Variants in VPS8 observed in about 807,000 individuals in gnomAD.
VPS8 encodes vacuolar protein sorting-associated protein 8 homolog.
VPS8 carries 129 observed loss-of-function variants against 216.4 expected under a neutral mutation model. The observed-to-expected ratio is 0.60, with a 90% CI of 0.52 to 0.69. The LOEUF (loss-of-function observed/expected upper bound fraction) is 0.69, where lower values mean the gene tolerates loss of function less well. Ranked by LOEUF, VPS8 falls within the 30% of genes least tolerant of loss-of-function variation. VPS8 has a pLI of 0.00. For missense variants in VPS8, 1,531 were observed against 1,683.5 expected (o/e 0.91, Z 1.59); for synonymous variants, 571 against 565.4 (o/e 1.01, Z -0.14).
intron 24 of VPS8, 81 bp from the exon 25 acceptor site, chr3:184,900,840 G>A (rs1734350371): frequency 8.1e-7 from 1 of 1,231,996 alleles, no homozygotes; most frequent in East Asian, 2.4e-5. Flanking sequence ...AGCGAATGGT[G>A]ATGAATAGCA....
chr3:184,842,186 C>CAAAAAA (rs71162267), intron 7 of VPS8, among the ~76,000 whole-genome samples: 2,884 of 48,718 alleles, frequency 0.059, 367 homozygotes, highest in Non-Finnish European at 0.074. Flanking sequence ...GACTCCGTCT[C>CAAAAAA]AAAAAAAAAA....
intron 3 of VPS8, among the ~76,000 whole-genome samples, chr3:184,831,778 ACTT>A (rs1366287533): frequency 1.3e-5 from 2 of 151,778 alleles, no homozygotes; most frequent in African/African-American, 4.8e-5. Flanking sequence ...CCCTCTGTTG[ACTT>A]CTTCTGCAGC....
intron 40 of VPS8, among the ~76,000 whole-genome samples, chr3:184,974,256 A>G (rs537895926): frequency 3.9e-5 from 6 of 152,258 alleles, no homozygotes; most frequent in East Asian, 3.9e-4. Flanking sequence ...AGTGTGATGT[A>G]ATGGCTCATG....
At position 184,832,805 on chromosome 3, in the gene VPS8, G is replaced by A; in HGVS notation, c.339G>A (p.Arg113=). ...SSVASSDSGD[R]TNLKRKKKLP... ...TGGCAAGCTCAGATAGTGGTGACAG[G>A]ACCAACTTAAAAAGGTAGGTATTCA... The change falls in exon 4 of 48, where the codon AGG becomes AGA. Residue 113 remains arginine (R), a synonymous_variant. Transcript: ENST00000625842. The A allele has an allele frequency of 5.6e-6, 9 of 1,608,274 alleles. No homozygotes were observed. Among genetic ancestry groups the A allele is most frequent in the Non-Finnish European group, 6.8e-6 (8 of 1,177,266 alleles).
Position 184,849,924 on chromosome 3 carries a change from G to T in VPS8, c.667-12G>T, listed in dbSNP as rs750696086. The T allele has an allele frequency of 1.2e-6, 2 of 1,606,558 alleles. No individual in the cohort carries two copies. Among genetic ancestry groups the T allele is most frequent in the African/African-American group, 2.7e-5 (2 of 74,436 alleles). On this transcript the variant is annotated splice_polypyrimidine_tract_variant and intron_variant, in intron 9 of 47. Transcript: ENST00000625842. The stretch of plus-strand genomic sequence containing the variant: ...AATAAATTTGTTTTTGAAGCACTTA[G>T]TTGTCTTATAGATCACCATGTGGGA...
chr3:184,814,908 T>G (rs919276077), intron 1 of VPS8, among the ~76,000 whole-genome samples: 2 of 152,268 alleles, frequency 1.3e-5, no homozygotes, highest in African/African-American at 4.8e-5. Context: ...TGATAAAACT[T>G]AGCTTAAAAT....
At chr3:184,812,682 C>G (rs1286856473) in intron 1 of VPS8, 3 of 152,220 alleles carry the variant, frequency 2.0e-5, no homozygotes, top group African/African-American at 7.2e-5. Flanking sequence ...CTCATTCTGT[C>G]CTGTTACAGT....
chr3:184,957,678 C>G (rs891764032), intron 37 of VPS8, among the ~76,000 whole-genome samples, 157 bp downstream of exon 37: 6 of 152,114 alleles, frequency 3.9e-5, no homozygotes, highest in African/African-American at 1.4e-4. Flanking sequence ...GTCAGATTAA[C>G]AAAAGAAAAA....
intron 36 of VPS8, among the ~76,000 whole-genome samples, chr3:184,943,081 A>G (rs1483794574): frequency 1.3e-5 from 2 of 152,142 alleles, no homozygotes; most frequent in Admixed American, 1.3e-4. Flanking sequence ...CAGGGTACAC[A>G]CACTTCTTCA....
intron 10 of VPS8, among the ~76,000 whole-genome samples, chr3:184,851,616 C>T (rs927191039): frequency 4.6e-5 from 7 of 152,114 alleles, no homozygotes; most frequent in African/African-American, 1.7e-4. Flanking sequence ...CATGCACACA[C>T]CTAGGGTATA....
chr3:184,982,470 A>T lies in VPS8; in HGVS notation c.3421-96A>T, dbSNP rs116158522. ...AAATGTATGTGAGAAGTACGTTTCAACCTGTAAAACATCATGCTGATGTTA... is the reference window on the plus strand; with the variant it reads ...AAATGTATGTGAGAAGTACGTTTCATCCTGTAAAACATCATGCTGATGTTA... On this transcript the variant is annotated intron_variant, in intron 40 of 47. Transcript: ENST00000625842. 6 of 824,384 alleles carry T rather than the reference A, an allele frequency of 7.3e-6. No individual in the cohort carries two copies. The East Asian group carries it at 1.5e-4, about 21-fold the overall frequency. The allele number at this position is 824,384 out of a possible 1,614,324, so 51.1% of individuals were successfully genotyped here.
Position 184,826,097 on chromosome 3 carries a change from A to G in VPS8, c.154-66A>G, listed in dbSNP as rs1335585403. On this transcript the variant is annotated intron_variant, in intron 2 of 47. Transcript: ENST00000625842. ...TAATTGATGGTGGTTTTAATCAACTAAAACCCCTCACAATTATAAGCAGAA... is the reference window on the plus strand; with the variant it reads ...TAATTGATGGTGGTTTTAATCAACTGAAACCCCTCACAATTATAAGCAGAA... 3 of 1,202,080 alleles carry G rather than the reference A, an allele frequency of 2.5e-6. No homozygotes were observed. In the Admixed American group the frequency reaches 6.7e-5, roughly 27 times the overall value. 74.5% of individuals were successfully genotyped at this position (1,202,080 alleles called of 1,614,324 possible).
intron 40 of VPS8, among the ~76,000 whole-genome samples, chr3:184,978,365 G>A (rs568783396): frequency 1.5e-4 from 23 of 151,294 alleles, no homozygotes; most frequent in South Asian, 1.0e-3. Flanking sequence ...CCTTCTGTCC[G>A]TCCATCCGTC....
intron 13 of VPS8, 76 bp from the exon 14 acceptor site, chr3:184,855,635 G>A: frequency 3.3e-6 from 4 of 1,229,440 alleles, no homozygotes; most frequent in Non-Finnish European, 4.7e-6. Flanking sequence ...GTCAGATGCT[G>A]TTTTTAACCA....
intron 39 of VPS8, 124 bp from the exon 40 acceptor site, chr3:184,971,525 T>G (rs917264924): frequency 3.4e-6 from 2 of 593,170 alleles, no homozygotes; most frequent in Non-Finnish European, 5.7e-6. Context: ...CATCAGGTTT[T>G]ATTAATTATT....
At chr3:184,857,830 T>C (rs1357421053) in intron 14 of VPS8, among the ~76,000 whole-genome samples, 1 of 152,106 alleles carries the variant, frequency 6.6e-6, no homozygotes, top group Non-Finnish European at 1.5e-5. Flanking sequence ...TGAGAAAGAG[T>C]AGGTGACTGC....
intron 1 of VPS8, among the ~76,000 whole-genome samples, chr3:184,823,312 A>G (rs898164360): frequency 2.0e-5 from 3 of 152,248 alleles, no homozygotes; most frequent in Non-Finnish European, 2.9e-5. Context: ...CAAGAGTTGG[A>G]GGCCACGTTG....
At chr3:184,978,561 C>T (rs1749688903) in intron 40 of VPS8, among the ~76,000 whole-genome samples, 1 of 152,002 alleles carries the variant, frequency 6.6e-6, no homozygotes, top group South Asian at 2.1e-4. Flanking sequence ...CCACCACACC[C>T]TGCTAACTTT....
chr3:184,975,695 T>C (rs758365964), intron 40 of VPS8, among the ~76,000 whole-genome samples: 1 of 152,132 alleles, frequency 6.6e-6, no homozygotes, highest in Non-Finnish European at 1.5e-5. Flanking sequence ...TTTTGTTATA[T>C]ATGGCCTTTA....
Sources: allele counts gnomAD v4.1 joint callset (sites outside exome capture counted in the v4.1 genomes callset), GRCh38; gene constraint gnomAD v4.1.1; transcripts MANE v1.5; gene names NCBI Gene and HGNC (gene_info 2026-07-23, HGNC 2026-07-21).